Variants in ZBTB7C observed in about 807,000 individuals in gnomAD.
ZBTB7C encodes the protein zinc finger and BTB domain-containing protein 7C.
ZBTB7C carries 8 observed loss-of-function variants against 25.7 expected under a neutral mutation model. The observed-to-expected ratio is 0.31, with a 90% CI of 0.18 to 0.56. The LOEUF (loss-of-function observed/expected upper bound fraction) is 0.56. Ranked by LOEUF, ZBTB7C falls within the 20% of genes least tolerant of loss-of-function variation. The probability of loss-of-function intolerance (pLI) is 0.91; values close to 1 mark genes in which losing one functional copy is unlikely to be tolerated. For synonymous variants in ZBTB7C, 394 were observed against 369.0 expected, an observed-to-expected ratio of 1.07 and a Z score of -0.78; for missense variants, 824 against 855.2, an observed-to-expected ratio of 0.96 and a Z score of 0.46.
At chr18:48,052,118 C>T (rs2036710343) in intron 3 of ZBTB7C, among the ~76,000 whole-genome samples, 1 of 152,158 alleles carries the variant, frequency 6.6e-6, no homozygotes, top group Non-Finnish European at 1.5e-5. Context: ...CCATAAACAG[C>T]ACTAGGCCAC....
chr18:48,120,513 A>G (rs8083557), intron 3 of ZBTB7C, among the ~76,000 whole-genome samples: 23,432 of 152,040 alleles, frequency 0.15, 1,913 homozygotes, highest in South Asian at 0.23. Context: ...TCCCAGTTGA[A>G]TCAGAAGAAT....
intron 2 of ZBTB7C, among the ~76,000 whole-genome samples, chr18:48,301,338 G>A (rs1426657016): frequency 6.6e-6 from 1 of 152,206 alleles, no homozygotes; most frequent in Non-Finnish European, 1.5e-5. Flanking sequence ...AATTAGCCGA[G>A]TGTGGTGGCA....
At chr18:48,411,270 G>C (rs1195335141), upstream of ZBTB7C, among the ~76,000 whole-genome samples, 2 of 152,148 alleles carry the variant, frequency 1.3e-5, no homozygotes, top group Non-Finnish European at 2.9e-5. Context: ...TTCACCAAAT[G>C]AACAGTTTGG....
At chr18:48,172,866 G>C (rs2041537815) in intron 3 of ZBTB7C, among the ~76,000 whole-genome samples, 1 of 152,158 alleles carries the variant, frequency 6.6e-6, no homozygotes, top group Admixed American at 6.5e-5. Flanking sequence ...TGTCGGGAAG[G>C]CCTCCTGCAG....
In ZBTB7C at chr18:48,114,111, G is replaced by A. The variant is rs542256702; in HGVS notation, c.-17+71823C>T. 5.9e-5 allele frequency among the ~76,000 whole-genome samples: 9 copies of A among 152,276 alleles called. No homozygotes were observed. The South Asian group carries it at 1.7e-3, about 28-fold the overall frequency. On this transcript the variant is annotated intron_variant, in intron 3 of 4. Coordinates refer to ENST00000590800, the MANE Select transcript of ZBTB7C (RefSeq NM_001318841.2). ...ATTTACAGACAGCCACAAGTACAAGGCAGGCATGGAACTCAAGAAAATATC... is the reference window on the plus strand; with the variant it reads ...ATTTACAGACAGCCACAAGTACAAGACAGGCATGGAACTCAAGAAAATATC...
intron 3 of ZBTB7C, among the ~76,000 whole-genome samples, chr18:48,151,870 C>G (rs543887202): frequency 6.6e-6 from 1 of 152,286 alleles, no homozygotes; most frequent in Admixed American, 6.5e-5. Flanking sequence ...TCTGATCAGT[C>G]AGATGTCATT....
At chr18:48,131,676 G>T (rs7243437) in intron 3 of ZBTB7C, among the ~76,000 whole-genome samples, 1 of 152,004 alleles carries the variant, frequency 6.6e-6, no homozygotes, top group African/African-American at 2.4e-5. Context: ...GTCTTATAGG[G>T]ACATAGAGGG....
At chr18:48,300,014 A>T (rs982936910) in intron 2 of ZBTB7C, among the ~76,000 whole-genome samples, 3 of 152,202 alleles carry the variant, frequency 2.0e-5, no homozygotes, top group African/African-American at 7.2e-5. Context: ...GTTAGTATGC[A>T]CACTTTAGTT....
rs1478420467 is a variant in ZBTB7C, at chr18:48,037,966, C to T, written c.1208+1934G>A. 3.3e-5 allele frequency among the ~76,000 whole-genome samples: 5 copies of T among 152,210 alleles called. No homozygotes were observed. In the South Asian group the frequency reaches 6.2e-4, roughly 19 times the overall value. On this transcript the variant is annotated intron_variant, in intron 4 of 4. Transcript: ENST00000590800. ...GCTGTACTTGAATCTGGCTTTCACA[C>T]GGTGCTCTGGCTTATCTCCCTCGGT...
chr18:48,359,375 T>C (rs1252231384), intron 1 of ZBTB7C, among the ~76,000 whole-genome samples: 2 of 151,990 alleles, frequency 1.3e-5, no homozygotes, highest in Non-Finnish European at 2.9e-5. Context: ...TCAAAGAAAA[T>C]GACAGGGAAC....
At chr18:48,166,838 T>C (rs2041264219) in intron 3 of ZBTB7C, among the ~76,000 whole-genome samples, 1 of 152,206 alleles carries the variant, frequency 6.6e-6, no homozygotes, top group Non-Finnish European at 1.5e-5. Flanking sequence ...AACAAGCCTC[T>C]GGCACCTATT....
At chr18:48,131,123 C>T (rs1598936770) in intron 3 of ZBTB7C, among the ~76,000 whole-genome samples, 1 of 152,294 alleles carries the variant, frequency 6.6e-6, no homozygotes, top group African/African-American at 2.4e-5. Context: ...AGGCAGGTCT[C>T]GAACTCCTGA....
At chr18:48,036,729 G>A (rs369930873) in intron 4 of ZBTB7C, among the ~76,000 whole-genome samples, 27 of 152,272 alleles carry the variant, frequency 1.8e-4, no homozygotes, top group African/African-American at 5.5e-4. Flanking sequence ...GGAATTCTGC[G>A]TCAACGAGGC....
intron 1 of ZBTB7C, among the ~76,000 whole-genome samples, chr18:48,361,771 C>T (rs1424999186): frequency 3.9e-5 from 6 of 152,212 alleles, no homozygotes; most frequent in East Asian, 1.9e-4. Context: ...CCAGGGCATT[C>T]GGCTGCTCAG....
chr18:48,101,911 A>G lies in ZBTB7C; in HGVS notation c.-16-60788T>C, dbSNP rs2038844494. On this transcript the variant is annotated intron_variant, in intron 3 of 4. Coordinates refer to ENST00000590800, the MANE Select transcript of ZBTB7C (RefSeq NM_001318841.2). ...CATGACTGACATCTCTGGCCATGGA[A>G]ATCCCAGGTAACCAAGCTGCCTGTC... Among the ~76,000 whole-genome samples the G allele has an allele frequency of 1.3e-5, 2 of 152,196 alleles. 1 individual carries two copies. The highest frequency in any genetic ancestry group is 4.1e-4 in the South Asian group (2 of 4,832).
At chr18:48,145,557 T>C (rs1471271436) in intron 3 of ZBTB7C, among the ~76,000 whole-genome samples, 3 of 152,242 alleles carry the variant, frequency 2.0e-5, no homozygotes, top group Non-Finnish European at 4.4e-5. Context: ...TGCTGTCTTA[T>C]TGAGCAGGTA....
chr18:48,263,692 TAAAAA>T (rs76126998), intron 2 of ZBTB7C, among the ~76,000 whole-genome samples: 3 of 94,170 alleles, frequency 3.2e-5, no homozygotes, highest in Admixed American at 1.2e-4. Flanking sequence ...ATAAAGCTGC[TAAAAA>T]AAAAAAAAAA....
At chr18:48,229,103 T>C (rs897911946) in intron 2 of ZBTB7C, among the ~76,000 whole-genome samples, 14 of 152,206 alleles carry the variant, frequency 9.2e-5, no homozygotes, top group African/African-American at 3.1e-4. Context: ...TTCGTCCCGC[T>C]CAAATCTCAT....
At chr18:48,206,492 A>G (rs2042579098) in intron 2 of ZBTB7C, among the ~76,000 whole-genome samples, 1 of 152,032 alleles carries the variant, frequency 6.6e-6, no homozygotes, top group Non-Finnish European at 1.5e-5. Flanking sequence ...CTGTCTCTAC[A>G]AAAAATAAAA....
Sources: gnomAD v4.1 joint callset for allele counts (sites outside exome capture counted in the v4.1 genomes callset) on GRCh38, gnomAD v4.1.1 for gene constraint, MANE v1.5 for transcripts, NCBI Gene and HGNC (gene_info 2026-07-23, HGNC 2026-07-21) for gene names.